AKT2: variants seen among roughly 807,000 people sequenced by gnomAD.
AKT2 encodes AKT serine/threonine kinase 2.
A neutral mutation model predicts 58.6 loss-of-function variants in AKT2; 16 were observed. The observed-to-expected ratio is 0.27, with a 90% confidence interval of 0.18 to 0.41. AKT2 has a LOEUF of 0.41. Among genes scored for constraint, AKT2 ranks in the 10% least tolerant of loss-of-function variants. The pLI, the probability that AKT2 is intolerant of heterozygous loss-of-function variation, is 1.00. For missense variants in AKT2, 438 were observed against 661.0 expected (o/e 0.66, Z 3.70); for synonymous variants, 253 against 254.0 (o/e 1.00, Z 0.04).
intron 2 of AKT2, among the ~76,000 whole-genome samples, chr19:40,261,091 CAG>C (rs1194937475): frequency 2.0e-5 from 3 of 152,206 alleles, no homozygotes; most frequent in African/African-American, 4.8e-5. Context: ...CACCAGGAGA[CAG>C]GGGGTGCTAT....
Position 40,238,915 on chromosome 19 carries a change from T to C in AKT2, c.698A>G (p.Asn233Ser), listed in dbSNP as rs988297708. 7.4e-6 allele frequency: 12 copies of C among 1,613,924 alleles called. No individual in the cohort carries two copies. Among genetic ancestry groups the C allele is most frequent in the East Asian group, 2.2e-5 (1 of 44,872 alleles). The change falls in exon 8 of 14, where the codon AAC (asparagine) becomes AGC (serine). Residue 233 changes from asparagine to serine, a missense_variant. Coordinates refer to ENST00000392038, the MANE Select transcript of AKT2 (RefSeq NM_001626.6). This position sits in a 1 kb window ranked among gnomAD's most constrained non-coding sequence, Gnocchi z 5.1. ...GCAGCCGCGGCTCACCTCACCCCCGTTGGCATACTCCATCACAAAGCACAG... is the reference window on the plus strand; with the variant it reads ...GCAGCCGCGGCTCACCTCACCCCCGCTGGCATACTCCATCACAAAGCACAG... ...DRLCFVMEYANGGELFFHLSR... is the reference protein window; with the variant it reads ...DRLCFVMEYASGGELFFHLSR...
rs960471582 is a variant in AKT2 at position 40,238,155 on chromosome 19, C to T, written c.709-64G>A. ...AGCCCACCCACCTGCCCTCACCTTC[C>T]CAGCCCCCTGCCCCAGCGCAGTGAT... is the stretch of plus-strand genomic sequence containing the variant. On this transcript the variant is annotated intron_variant, in intron 8 of 13. Coordinates refer to ENST00000392038, the MANE Select transcript of AKT2 (RefSeq NM_001626.6). The surrounding 1 kb of genome is among the most constrained non-coding windows in gnomAD (Gnocchi z 5.1). 4 of 1,547,172 alleles carry T rather than the reference C, an allele frequency of 2.6e-6. No individual in the cohort carries two copies. The East Asian group carries it at 7.2e-5, about 28-fold the overall frequency.
At chr19:40,253,299 T>C (rs1329706189) in intron 4 of AKT2, among the ~76,000 whole-genome samples, 1 of 152,142 alleles carries the variant, frequency 6.6e-6, no homozygotes, top group Non-Finnish European at 1.5e-5. Context: ...TGCTGAAACC[T>C]TACCCCATAG....
At chr19:40,260,010 G>A (rs572593759) in intron 2 of AKT2, among the ~76,000 whole-genome samples, 11 of 151,990 alleles carry the variant, frequency 7.2e-5, no homozygotes, top group East Asian at 5.8e-4. Context: ...AAAATTAGCC[G>A]GGCGTGGTGG....
intron 7 of AKT2, 97 bp from the exon 8 acceptor site, chr19:40,239,070 C>G (rs529572720): frequency 1.5e-6 from 2 of 1,315,388 alleles, no homozygotes; most frequent in African/African-American, 1.5e-5. Context: ...TCTGCACACA[C>G]ACACCCTGCC....
At position 40,257,026 on chromosome 19, in the gene AKT2, C is replaced by T; in HGVS notation, c.75G>A (p.Arg25=). The T allele has an allele frequency of 4.3e-6, 7 of 1,614,210 alleles. No homozygotes were observed. The highest frequency in any genetic ancestry group is 5.9e-6 in the Non-Finnish European group (7 of 1,180,014). ...AGCCGTCGCTCTTCAGCAGGAAGTA[C>T]CGTGGCCTCCAGGTCTTGATGTATT... ...RGEYIKTWRP[R]YFLLKSDGSF... The change falls in exon 3 of 14, where the codon CGG becomes CGA. Residue 25 remains arginine (R), a synonymous_variant. Transcript: ENST00000392038.
chr19:40,243,141 A>T (rs566057933), intron 4 of AKT2: 11 of 145,040 alleles, frequency 7.6e-5, no homozygotes, highest in African/African-American at 2.6e-4. Flanking sequence ...ACTCCGTCTC[A>T]AAAAAAAAAA....
chr19:40,276,345 C>CTTTTTTTTTTTTTTT (rs748551877), intron 1 of AKT2, among the ~76,000 whole-genome samples: 1 of 58,456 alleles, frequency 1.7e-5, no homozygotes, highest in Non-Finnish European at 3.3e-5. Flanking sequence ...AAAATGGAAT[C>CTTTTTTTTTTTTTTT]TTTTTTTTTT....
chr19:40,276,490 C>T (rs572738274), intron 1 of AKT2, among the ~76,000 whole-genome samples: 2 of 148,852 alleles, frequency 1.3e-5, no homozygotes, highest in Non-Finnish European at 3.0e-5. Context: ...CTCAACCTCC[C>T]GAATAGCTAG....
intron 4 of AKT2, among the ~76,000 whole-genome samples, chr19:40,250,358 C>T (rs985657480): frequency 1.3e-5 from 2 of 151,942 alleles, no homozygotes; most frequent in Non-Finnish European, 2.9e-5. Context: ...ACAAAATGAG[C>T]TAGGCATGGT....
At position 40,237,803 on chromosome 19, in the gene AKT2, C is replaced by A. The variant is rs1974123928; in HGVS notation, c.831+166G>T. 3.0e-6 allele frequency: 3 copies of A among 1,008,406 alleles called. No individual in the cohort carries two copies. The highest frequency in any genetic ancestry group is 4.3e-6 in the Non-Finnish European group (3 of 695,148). The allele number at this position is 1,008,406 out of a possible 1,614,324, so 62.5% of individuals were successfully genotyped here. On this transcript the variant is annotated intron_variant, in intron 9 of 13. Transcript: ENST00000392038. This position sits in a 1 kb window ranked among gnomAD's most constrained non-coding sequence, Gnocchi z 4.5. The stretch of plus-strand genomic sequence containing the variant: ...GGAGCCTGGTGAATGAGGGCAGCCA[C>A]CACCCTGGACCTTGGTGGGGAGCCT...
intron 2 of AKT2, among the ~76,000 whole-genome samples, chr19:40,261,932 T>C (rs973327649): frequency 3.4e-5 from 5 of 149,128 alleles, no homozygotes; most frequent in African/African-American, 1.2e-4. Flanking sequence ...GGATAAAAAC[T>C]AAAAAAAACC....
At chr19:40,257,402 T>C (rs1975613416) in intron 2 of AKT2, among the ~76,000 whole-genome samples, 1 of 152,206 alleles carries the variant, frequency 6.6e-6, no homozygotes, top group Admixed American at 6.5e-5. Context: ...CAAACACACA[T>C]GCCCTGTGGC....
At chr19:40,246,283 G>A (rs927366484) in intron 4 of AKT2, among the ~76,000 whole-genome samples, 11 of 151,944 alleles carry the variant, frequency 7.2e-5, no homozygotes, top group East Asian at 1.9e-4. Context: ...ACAGGCACCC[G>A]CCACCATAAT....
At chr19:40,253,459 T>TAGAC (rs10648124) in intron 4 of AKT2, among the ~76,000 whole-genome samples, 109,960 of 151,322 alleles carry the variant, frequency 0.73, 40,094 homozygotes, top group African/African-American at 0.79. Flanking sequence ...AACAGAAAAA[T>TAGAC]AGACAATATA....
intron 1 of AKT2, among the ~76,000 whole-genome samples, chr19:40,278,782 G>A (rs1038482471): frequency 7.9e-5 from 12 of 151,824 alleles, no homozygotes; most frequent in Admixed American, 5.2e-4. Context: ...CAGCAGCTCC[G>A]TGCATCCTCC....
chr19:40,242,526 G>A lies in AKT2; in HGVS notation c.441+8C>T, dbSNP rs965904938. 3.7e-6 allele frequency: 6 copies of A among 1,613,342 alleles called. No homozygotes were observed. Among genetic ancestry groups the A allele is most frequent in the Non-Finnish European group, 4.2e-6 (5 of 1,180,006 alleles). On this transcript the variant is annotated splice_region_variant and intron_variant, in intron 5 of 13. Transcript: ENST00000392038. The surrounding 1 kb of genome is among the most constrained non-coding windows in gnomAD (Gnocchi z 4.3). ...GCTGGCAGCCCCACCCCTGCTCCCA[G>A]CACTTACCACTTTAGCCCGTGCCTT...
At chr19:40,239,625 G>A (rs1264094616) in intron 7 of AKT2, 1 of 363,076 alleles carries the variant, frequency 2.8e-6, no homozygotes, top group Non-Finnish European at 5.4e-6. Context: ...GATGGAGACT[G>A]CAGCCCAAAC....
intron 1 of AKT2, 125 bp downstream of exon 1, chr19:40,285,056 G>A: frequency 5.2e-6 from 2 of 383,740 alleles, no homozygotes; most frequent in Non-Finnish European, 9.2e-6. Flanking sequence ...AGCTCCTGAA[G>A]GAGGGGCTCG....
Sources: allele counts gnomAD v4.1 joint callset (sites outside exome capture counted in the v4.1 genomes callset), GRCh38; gene constraint gnomAD v4.1.1; non-coding constraint Gnocchi (gnomAD v3.1); transcripts MANE v1.5; gene names NCBI Gene and HGNC (gene_info 2026-07-23, HGNC 2026-07-21).